Variants in MSI2 observed in about 807,000 individuals in gnomAD.
The protein encoded by MSI2 is RNA-binding protein Musashi homolog 2.
Under a neutral mutation model 45.6 loss-of-function variants are expected in MSI2, and 17 were observed. The observed-to-expected ratio is 0.37, with a 90% confidence interval of 0.26 to 0.56. The LOEUF (loss-of-function observed/expected upper bound fraction) is 0.56, where lower values mean the gene tolerates loss of function less well. MSI2 is among the 20% of genes least tolerant of loss of function. The pLI is 0.77. For missense variants in MSI2, 293 were observed against 444.2 expected (o/e 0.66, Z 3.06); for synonymous variants, 156 against 158.2 (o/e 0.99, Z 0.11).
chr17:57,257,066 G>T, intron 1 of MSI2, 32 bp from the exon 2 acceptor site: 1 of 1,598,288 alleles, frequency 6.3e-7, no homozygotes, highest in South Asian at 1.1e-5. Context: ...TCTGACATCG[G>T]TGCTCACTTC....
intron 6 of MSI2, among the ~76,000 whole-genome samples, chr17:57,412,868 T>C (rs1315289063): frequency 6.6e-6 from 1 of 152,244 alleles, no homozygotes; most frequent in Non-Finnish European, 1.5e-5. Context: ...GTTTACTAGC[T>C]TGGTAACCTT....
At chr17:57,268,931 T>C (rs1908096091) in intron 5 of MSI2, among the ~76,000 whole-genome samples, 1 of 152,174 alleles carries the variant, frequency 6.6e-6, no homozygotes, top group African/African-American at 2.4e-5. Context: ...GTAGAGCGAA[T>C]GAAAAATGCC....
intron 6 of MSI2, among the ~76,000 whole-genome samples, chr17:57,457,907 T>C (rs938237754): frequency 2.6e-5 from 4 of 152,068 alleles, no homozygotes; most frequent in African/African-American, 9.7e-5. Flanking sequence ...AGACCTCGTC[T>C]TTAAAAGAAG....
chr17:57,576,482 G>T (rs73312893), intron 7 of MSI2, among the ~76,000 whole-genome samples: 4,702 of 152,294 alleles, frequency 0.031, 234 homozygotes, highest in African/African-American at 0.1. Context: ...TTGGCTGGGT[G>T]CAGTGGCCCA....
chr17:57,304,124 C>T (rs1472548917), intron 5 of MSI2, among the ~76,000 whole-genome samples: 5 of 151,984 alleles, frequency 3.3e-5, no homozygotes, highest in Non-Finnish European at 7.4e-5. Context: ...TTTGGGAGGC[C>T]GAGGCGGGTG....
intron 6 of MSI2, among the ~76,000 whole-genome samples, chr17:57,418,717 T>C (rs2084341026): frequency 1.3e-5 from 2 of 152,208 alleles, no homozygotes; most frequent in Non-Finnish European, 2.9e-5. Context: ...GTGGGAACTT[T>C]TATGCAGCTT....
chr17:57,575,420 C>T (rs1271302574), intron 7 of MSI2, among the ~76,000 whole-genome samples: 2 of 152,190 alleles, frequency 1.3e-5, no homozygotes, highest in African/African-American at 4.8e-5. Context: ...TTTGACCTTT[C>T]AGTCGCTGCA....
intron 10 of MSI2, among the ~76,000 whole-genome samples, chr17:57,637,393 G>T (rs1418791352): frequency 2.0e-5 from 3 of 152,254 alleles, no homozygotes; most frequent in Non-Finnish European, 2.9e-5. Flanking sequence ...GATGAAAGCA[G>T]AGCACGGTGC....
At chr17:57,619,672 C>T (rs933482192) in intron 9 of MSI2, among the ~76,000 whole-genome samples, 6 of 152,130 alleles carry the variant, frequency 3.9e-5, no homozygotes, top group Non-Finnish European at 8.8e-5. Context: ...TGGGCAGACC[C>T]GAGTGGCCCC....
chr17:57,588,993 A>T (rs1422150166), intron 7 of MSI2, among the ~76,000 whole-genome samples: 1 of 152,198 alleles, frequency 6.6e-6, no homozygotes, highest in Non-Finnish European at 1.5e-5. Flanking sequence ...CTGCTCAGTG[A>T]CGGCAGATGA....
intron 6 of MSI2, among the ~76,000 whole-genome samples, chr17:57,463,630 C>G (rs888878112): frequency 6.6e-6 from 1 of 152,184 alleles, no homozygotes; most frequent in Non-Finnish European, 1.5e-5. Context: ...GTTCTCATAC[C>G]TGGCCTTCCA....
At chr17:57,292,912 GA>G (rs1370144414) in intron 5 of MSI2, among the ~76,000 whole-genome samples, 1 of 152,108 alleles carries the variant, frequency 6.6e-6, no homozygotes, top group African/African-American at 2.4e-5. Context: ...CCCGCTAGAC[GA>G]AAACCCTGAC....
intron 7 of MSI2, among the ~76,000 whole-genome samples, chr17:57,543,776 A>C (rs1306246587): frequency 1.3e-5 from 2 of 152,236 alleles, no homozygotes; most frequent in Non-Finnish European, 2.9e-5. Flanking sequence ...TAAGATTTAC[A>C]AAAGAAGCTT....
At chr17:57,507,866 G>A (rs963171070) in intron 6 of MSI2, among the ~76,000 whole-genome samples, 3 of 152,248 alleles carry the variant, frequency 2.0e-5, no homozygotes, top group South Asian at 2.1e-4. Flanking sequence ...GACTGGTGTC[G>A]ATCTCCTGGC....
At chr17:57,647,010 C>T (rs544035086) in intron 10 of MSI2, among the ~76,000 whole-genome samples, 15 of 152,166 alleles carry the variant, frequency 9.9e-5, no homozygotes, top group African/African-American at 3.4e-4. Context: ...ATGCCTGACC[C>T]CTTGGCCCAC....
chr17:57,575,153 C>T (rs1050284092), intron 7 of MSI2, among the ~76,000 whole-genome samples: 1 of 138,546 alleles, frequency 7.2e-6, no homozygotes, highest in Non-Finnish European at 1.6e-5. Context: ...TAACTCCCTC[C>T]CCCCGCCACC....
chr17:57,546,890 C>T (rs2087181077), intron 7 of MSI2, among the ~76,000 whole-genome samples: 1 of 152,190 alleles, frequency 6.6e-6, no homozygotes, highest in Admixed American at 6.5e-5. Flanking sequence ...CTGCAGGGAA[C>T]AAGGCAGGCC....
At chr17:57,513,075 G>A (rs2086392796) in intron 6 of MSI2, among the ~76,000 whole-genome samples, 1 of 148,630 alleles carries the variant, frequency 6.7e-6, no homozygotes, top group Admixed American at 6.9e-5. Context: ...CCGGGTTCAA[G>A]CGATTCTCCT....
chr17:57,257,167 T>TC (rs781307862), intron 2 of MSI2, 29 bp downstream of exon 2: 21 of 1,397,092 alleles, frequency 1.5e-5, no homozygotes, highest in East Asian at 2.7e-5. Flanking sequence ...GACGCCTGGG[T>TC]CCCCCCCTTC....
Sources: gnomAD v4.1 joint callset for allele counts (sites outside exome capture counted in the v4.1 genomes callset) on GRCh38, gnomAD v4.1.1 for gene constraint, MANE v1.5 for transcripts, NCBI Gene and HGNC (gene_info 2026-07-23, HGNC 2026-07-21) for gene names.